The following PUM1 variants were observed in gnomAD, a reference collection of about 807,000 sequenced individuals.
PUM1 encodes the protein pumilio RNA binding family member 1.
A neutral mutation model predicts 131.8 loss-of-function variants in PUM1; 13 were observed. The observed-to-expected ratio is 0.10, with a 90% CI of 0.06 to 0.16. The LOEUF is 0.16. Ranked by LOEUF, PUM1 falls within the 10% of genes least tolerant of loss-of-function variation. The pLI is 1.00. For synonymous variants in PUM1, 509 were observed against 556.5 expected (o/e 0.91, Z 1.20); for missense variants, 961 against 1,512.4 (o/e 0.64, Z 6.05).
At chr1:30,988,042 T>A (rs1641634579) in intron 7 of PUM1, among the ~76,000 whole-genome samples, 1 of 152,250 alleles carries the variant, frequency 6.6e-6, no homozygotes, top group Non-Finnish European at 1.5e-5. Flanking sequence ...ATGACAGCTA[T>A]TTTTATACCA....
At chr1:31,001,667 A>C (rs1364024402) in intron 5 of PUM1, among the ~76,000 whole-genome samples, 2 of 152,212 alleles carry the variant, frequency 1.3e-5, no homozygotes, top group African/African-American at 4.8e-5. Context: ...AATTCATGAA[A>C]GTACAGTTGT....
chr1:30,979,991 A>G (rs1369263398), intron 9 of PUM1, 71 bp downstream of exon 9: 3 of 1,070,306 alleles, frequency 2.8e-6, no homozygotes, highest in Admixed American at 5.1e-5. Context: ...GAAAGAGTAT[A>G]AAGAATGCAC....
chr1:31,011,351 T>C (rs1052360169), intron 3 of PUM1, among the ~76,000 whole-genome samples: 84 of 152,320 alleles, frequency 5.5e-4, no homozygotes, highest in African/African-American at 2.0e-3. Context: ...TTCTAATATT[T>C]AAATGTAAGT....
chr1:30,986,562 AAATC>A (rs1426922749), intron 7 of PUM1, among the ~76,000 whole-genome samples: 2 of 152,106 alleles, frequency 1.3e-5, no homozygotes. Context: ...TAAAAAAAAA[AAATC>A]ATCATCATCA....
chr1:31,015,353 T>C (rs12079192), intron 3 of PUM1, among the ~76,000 whole-genome samples: 41,699 of 151,966 alleles, frequency 0.27, 7,241 homozygotes, highest in East Asian at 0.53. Context: ...TTTTCTTTTT[T>C]TTTTTTGAGA....
At chr1:30,983,910 T>A (rs1241008131) in intron 7 of PUM1, among the ~76,000 whole-genome samples, 2 of 152,154 alleles carry the variant, frequency 1.3e-5, no homozygotes, top group Non-Finnish European at 2.9e-5. Context: ...GGCTATATAT[T>A]TTTTTAATAT....
intron 20 of PUM1, among the ~76,000 whole-genome samples, chr1:30,939,414 C>T (rs866867622): frequency 6.6e-6 from 1 of 152,244 alleles, no homozygotes; most frequent in African/African-American, 2.4e-5. Context: ...TTCCGGCTCT[C>T]TCCCTTTCTA....
rs1641069465 is a variant in PUM1 at position 30,974,812 on chromosome 1, G to A, written c.1355-10C>T. The A allele has an allele frequency of 3.1e-6, 5 of 1,597,072 alleles. No individual in the cohort carries two copies. The highest frequency in any genetic ancestry group is 3.4e-6 in the Non-Finnish European group (4 of 1,170,916). ...GGGACCACAGCTGGGCCTAAAAATA[G>A]CAAAAGAAAGGTAAAGAAAGTCTGA... On this transcript the variant is annotated splice_polypyrimidine_tract_variant and intron_variant, in intron 9 of 21. Coordinates refer to ENST00000426105, the MANE Select transcript of PUM1 (RefSeq NM_001020658.2).
At chr1:30,994,744 C>T (rs540802635) in intron 6 of PUM1, among the ~76,000 whole-genome samples, 2 of 152,322 alleles carry the variant, frequency 1.3e-5, no homozygotes, top group African/African-American at 2.4e-5. Flanking sequence ...GGTTCCAAGG[C>T]ATCTATCCTA....
At position 31,065,604 on chromosome 1, in the gene PUM1, G is replaced by T; in HGVS notation, c.-12+12C>A. 1 of 1,545,524 alleles carries T rather than the reference G, an allele frequency of 6.5e-7. No individual in the cohort carries two copies. Among genetic ancestry groups the T allele is most frequent in the Non-Finnish European group, 8.7e-7 (1 of 1,146,346 alleles). On this transcript the variant is annotated intron_variant, in intron 1 of 21. Coordinates refer to ENST00000426105, the MANE Select transcript of PUM1 (RefSeq NM_001020658.2). ...GAGCAGCGTTTGGGGCCGGTGGGGT[G>T]CGGATACTCACGGGCGGAGCGGTAG...
Position 31,060,135 on chromosome 1 carries a change from A to G in PUM1, c.-11-558T>C, listed in dbSNP as rs1644335775. ...AGTGCTGGGATTACAGGCGTGAGCC[A>G]CCGCGCCCAGCCCCAAAAGCCTTTT... On this transcript the variant is annotated intron_variant, in intron 1 of 21. Coordinates refer to ENST00000426105, the MANE Select transcript of PUM1 (RefSeq NM_001020658.2). Among the ~76,000 whole-genome samples, 4 of 144,746 alleles carry G rather than the reference A, an allele frequency of 2.8e-5. No individual in the cohort carries two copies. In the South Asian group the frequency reaches 1.0e-3, roughly 37 times the overall value. The allele number at this position is 144,746 out of a possible 152,430, so 95.0% of individuals were successfully genotyped here.
intron 2 of PUM1, among the ~76,000 whole-genome samples, chr1:31,038,982 A>ATTTTTTTTTTTTTTT (rs1172043445): frequency 3.6e-5 from 1 of 27,978 alleles, no homozygotes; most frequent in African/African-American, 3.4e-4. Context: ...ATATATATAT[A>ATTTTTTTTTTTTTTT]TATTTTTTTT....
chr1:30,957,585 G>C (rs4411170), intron 14 of PUM1, among the ~76,000 whole-genome samples: 48,412 of 152,106 alleles, frequency 0.32, 7,989 homozygotes, highest in Non-Finnish European at 0.35. Context: ...TTTCCACAGA[G>C]AGTAAGGGCT....
At chr1:30,957,084 T>TCACACACA (rs1300737379) in intron 14 of PUM1, among the ~76,000 whole-genome samples, 1 of 50,638 alleles carries the variant, frequency 2.0e-5, no homozygotes, top group Non-Finnish European at 3.7e-5. Context: ...ACAAGGACAT[T>TCACACACA]CATACACACA....
intron 2 of PUM1, among the ~76,000 whole-genome samples, 158 bp from the exon 3 acceptor site, chr1:31,029,022 C>T (rs766043610): frequency 6.6e-6 from 1 of 152,156 alleles, no homozygotes; most frequent in Non-Finnish European, 1.5e-5. Flanking sequence ...ATTCACTTAC[C>T]TTTAACCATC....
intron 16 of PUM1, 109 bp from the exon 17 acceptor site, chr1:30,950,370 C>T: frequency 8.7e-7 from 1 of 1,146,502 alleles, no homozygotes; most frequent in Admixed American, 2.6e-5. Context: ...CTCTTTTAGC[C>T]CTGATACCCA....
At chr1:31,033,899 T>C (rs1643521608) in intron 2 of PUM1, among the ~76,000 whole-genome samples, 1 of 152,094 alleles carries the variant, frequency 6.6e-6, no homozygotes, top group South Asian at 2.1e-4. Flanking sequence ...TCCCGCCTTC[T>C]AAAGTGCTGG....
rs112546136 is a variant in PUM1, at chr1:31,026,064, C to CA, written c.432+2731dup. On this transcript the variant is annotated intron_variant, in intron 3 of 21. Transcript: ENST00000426105. ...CTCAGAAGTTCAAGACCAGCCTGGGCAACACAGTGAAACCCTGTTTCTACT... is the reference window on the plus strand; with the variant it reads ...CTCAGAAGTTCAAGACCAGCCTGGGCAAACACAGTGAAACCCTGTTTCTACT... Among the ~76,000 whole-genome samples, 1,245 of 152,006 alleles carry CA rather than the reference C, an allele frequency of 8.2e-3. 21 individuals are homozygous for CA. Among genetic ancestry groups the CA allele is most frequent in the African/African-American group, 0.028 (1,157 of 41,474 alleles).
In PUM1 at chr1:31,007,174, T is replaced by C. The variant is rs966619634; in HGVS notation, c.433-72A>G. 70 of 1,158,574 alleles carry C rather than the reference T, an allele frequency of 6.0e-5. 1 individual carries two copies. In the South Asian group the frequency reaches 8.8e-4, roughly 15 times the overall value. 71.8% of individuals were successfully genotyped at this position (1,158,574 alleles called of 1,614,324 possible). A position where few individuals can be genotyped will look rare whatever the true frequency, so the allele number is the denominator to read the frequency against. The stretch of plus-strand genomic sequence containing the variant: ...GAAAGTACAGCAGTCAACACTTTCT[T>C]TTAGACAAGGGTACTGAAGATGCTC... On this transcript the variant is annotated intron_variant, in intron 3 of 21. Transcript: ENST00000426105.
Sources: allele counts gnomAD v4.1 joint callset (sites outside exome capture counted in the v4.1 genomes callset), GRCh38; gene constraint gnomAD v4.1.1; transcripts MANE v1.5; gene names NCBI Gene and HGNC (gene_info 2026-07-23, HGNC 2026-07-21).